The following COP1 variants were observed in gnomAD, a reference collection of about 807,000 sequenced individuals.
The protein encoded by COP1 is COP1 E3 ubiquitin ligase, also known as E3 ubiquitin-protein ligase COP1.
In COP1, 24 loss-of-function variants were observed where a neutral mutation model predicts 101.3. The ratio of observed to expected loss-of-function variants is 0.24; its 90% CI spans 0.17 to 0.33. The LOEUF is 0.33. COP1 is among the 10% of genes least tolerant of loss of function. COP1 has a pLI of 1.00. For synonymous variants in COP1, 347 were observed against 341.9 expected, an observed-to-expected ratio of 1.01 and a Z score of -0.17; for missense variants, 663 against 906.2, an observed-to-expected ratio of 0.73 and a Z score of 3.45.
At chr1:176,180,343 G>C (rs1697575693) in intron 2 of COP1, among the ~76,000 whole-genome samples, 1 of 152,076 alleles carries the variant, frequency 6.6e-6, no homozygotes, top group Non-Finnish European at 1.5e-5. Context: ...TCTTACCCCA[G>C]TAACTCTAAT....
intron 15 of COP1, among the ~76,000 whole-genome samples, chr1:176,022,069 T>C (rs185646183): frequency 1.8e-4 from 27 of 152,352 alleles, no homozygotes; most frequent in African/African-American, 5.3e-4. Flanking sequence ...TTTGAGGCAA[T>C]GTTATTACAT....
chr1:176,147,542 T>C (rs1454238294), intron 6 of COP1, among the ~76,000 whole-genome samples: 5 of 152,180 alleles, frequency 3.3e-5, no homozygotes, highest in African/African-American at 7.2e-5. Flanking sequence ...GGAACTAGTA[T>C]GTTTCTTGGT....
chr1:175,961,561 TG>T (rs1476193867), intron 18 of COP1, among the ~76,000 whole-genome samples: 1 of 152,016 alleles, frequency 6.6e-6, no homozygotes, highest in Non-Finnish European at 1.5e-5. Flanking sequence ...CTGGGTGTGG[TG>T]GCTCATGCCT....
rs990941501 is a variant in COP1 at position 176,195,060 on chromosome 1, C to T, written c.408-10368G>A. On this transcript the variant is annotated intron_variant, in intron 1 of 19. Transcript: ENST00000367669. ...TGTGATCACGCCACTGCACTCCAGC[C>T]TGGGTGACAGAGTGAGACCCTGTCT... 2.0e-5 allele frequency among the ~76,000 whole-genome samples: 3 copies of T among 150,898 alleles called. No individual in the cohort carries two copies. The East Asian group carries it at 5.9e-4, about 30-fold the overall frequency.
At chr1:176,042,154 C>T (rs1056939666) in intron 14 of COP1, among the ~76,000 whole-genome samples, 21 of 151,336 alleles carry the variant, frequency 1.4e-4, no homozygotes, top group Middle Eastern at 3.4e-3. Context: ...ACCTATAATC[C>T]CAGCTAAATG....
At chr1:176,109,716 T>C (rs1414114114) in intron 9 of COP1, among the ~76,000 whole-genome samples, 3 of 152,184 alleles carry the variant, frequency 2.0e-5, no homozygotes, top group Non-Finnish European at 2.9e-5. Flanking sequence ...CATTCTTCTT[T>C]AAAATTACAT....
intron 11 of COP1, among the ~76,000 whole-genome samples, chr1:176,080,382 T>G (rs563625098): frequency 6.6e-6 from 1 of 152,062 alleles, no homozygotes; most frequent in East Asian, 1.9e-4. Flanking sequence ...AAGAGCAAAT[T>G]AAACCCTCAA....
chr1:176,067,205 T>C (rs1162408716), intron 11 of COP1, among the ~76,000 whole-genome samples: 3 of 152,020 alleles, frequency 2.0e-5, no homozygotes, highest in Admixed American at 2.0e-4. Context: ...TAGGTACAAA[T>C]TGTAACAAAC....
At chr1:176,098,717 T>C (rs1445956349) in intron 9 of COP1, among the ~76,000 whole-genome samples, 4 of 152,238 alleles carry the variant, frequency 2.6e-5, no homozygotes, top group African/African-American at 9.6e-5. Context: ...TGAGTCATCA[T>C]TTTGGCAAAA....
chr1:176,111,249 G>A (rs1028705997), intron 9 of COP1, among the ~76,000 whole-genome samples: 3 of 152,136 alleles, frequency 2.0e-5, no homozygotes, highest in Non-Finnish European at 4.4e-5. Context: ...TCTATGAAAA[G>A]TAACTGCAAA....
chr1:176,199,990 T>C (rs1421289822), intron 1 of COP1, among the ~76,000 whole-genome samples: 2 of 152,178 alleles, frequency 1.3e-5, no homozygotes, highest in Non-Finnish European at 2.9e-5. Flanking sequence ...GTGGTTAACT[T>C]GGGTAACCAT....
chr1:176,036,775 A>C (rs1669623384), intron 14 of COP1, among the ~76,000 whole-genome samples: 1 of 152,210 alleles, frequency 6.6e-6, no homozygotes, highest in South Asian at 2.1e-4. Flanking sequence ...TTGTAGGCCA[A>C]TGTAAATATT....
chr1:176,180,170 G>C (rs1572714031), intron 2 of COP1, among the ~76,000 whole-genome samples: 1 of 152,162 alleles, frequency 6.6e-6, no homozygotes, highest in East Asian at 1.9e-4. Flanking sequence ...GCAAGGATTT[G>C]TTTTACCCTC....
chr1:176,061,737 T>C (rs1674881637), intron 11 of COP1, among the ~76,000 whole-genome samples: 1 of 152,090 alleles, frequency 6.6e-6, no homozygotes, highest in Non-Finnish European at 1.5e-5. Context: ...AAAGCTAAAG[T>C]TATTACAATG....
At chr1:175,963,964 T>C (rs541365102) in intron 18 of COP1, among the ~76,000 whole-genome samples, 2 of 152,330 alleles carry the variant, frequency 1.3e-5, no homozygotes, top group South Asian at 2.1e-4. Context: ...TGTCCAGTTA[T>C]GTGGATTCGT....
chr1:176,096,996 A>T (rs555516562), intron 9 of COP1, among the ~76,000 whole-genome samples: 108 of 152,120 alleles, frequency 7.1e-4, no homozygotes, highest in African/African-American at 2.6e-3. Flanking sequence ...AACCTTTGCT[A>T]TTTGTTGATT....
chr1:175,966,591 A>G (rs1379784511), intron 18 of COP1, among the ~76,000 whole-genome samples: 1 of 152,204 alleles, frequency 6.6e-6, no homozygotes, highest in Non-Finnish European at 1.5e-5. Context: ...TGACCCAGTA[A>G]GCTTATCACA....
chr1:176,011,999 TC>T (rs1311462082), intron 15 of COP1, among the ~76,000 whole-genome samples: 2 of 152,176 alleles, frequency 1.3e-5, no homozygotes, highest in African/African-American at 4.8e-5. Flanking sequence ...GTGTACTCCT[TC>T]TATTAATTAA....
Position 175,947,461 on chromosome 1 carries a change from C to T in COP1, c.2134-222G>A. ...TCTTGGCTCACCACAACCTCCACTT[C>T]CTGGGTTCAAGCGATTCTCCTGCCT... On this transcript the variant is annotated intron_variant, in intron 18 of 19. Coordinates refer to ENST00000367669, the MANE Select transcript of COP1 (RefSeq NM_022457.7). The T allele has an allele frequency of 7.0e-6, 3 of 430,390 alleles. No individual in the cohort carries two copies. In the South Asian group the frequency reaches 7.7e-5, roughly 11 times the overall value. 26.7% of individuals were successfully genotyped at this position (430,390 alleles called of 1,614,324 possible).
Sources: allele counts gnomAD v4.1 joint callset (sites outside exome capture counted in the v4.1 genomes callset), GRCh38; gene constraint gnomAD v4.1.1; transcripts MANE v1.5; gene names NCBI Gene and HGNC (gene_info 2026-07-23, HGNC 2026-07-21).